Variants in DCAF5 observed in about 807,000 individuals in gnomAD.
DCAF5 encodes DDB1- and CUL4-associated factor 5.
Under a neutral mutation model 80.7 loss-of-function variants are expected in DCAF5, and 9 were observed. That is an observed-to-expected ratio of 0.11 (90% CI 0.07 to 0.19). The LOEUF is 0.19. Ranked by LOEUF, DCAF5 falls within the 10% of genes least tolerant of loss-of-function variation. The pLI is 1.00. For missense variants in DCAF5, 842 were observed against 1,205.7 expected, an observed-to-expected ratio of 0.70 and a Z score of 4.47; for synonymous variants, 433 against 461.9, an observed-to-expected ratio of 0.94 and a Z score of 0.80.
At chr14:69,119,751 G>A (rs1268984351) in intron 2 of DCAF5, among the ~76,000 whole-genome samples, 1 of 150,906 alleles carries the variant, frequency 6.6e-6, no homozygotes, top group African/African-American at 2.4e-5. Context: ...ACAAAACTGT[G>A]GCCATCAAGA....
rs879449258 is a variant in DCAF5, at chr14:69,104,858, T to TA, written c.665+11507dup. Among the ~76,000 whole-genome samples, 383 of 142,072 alleles carry TA rather than the reference T, an allele frequency of 2.7e-3. 4 individuals carry two copies. Among genetic ancestry groups the TA allele is most frequent in the Non-Finnish European group, 1.6e-3 (102 of 64,648 alleles). The allele number at this position is 142,072 out of a possible 152,430, so 93.2% of individuals were successfully genotyped here. A position where few individuals can be genotyped will look rare whatever the true frequency, so the allele number is the denominator to read the frequency against. On this transcript the variant is annotated intron_variant, in intron 5 of 8. Coordinates refer to ENST00000341516, the MANE Select transcript of DCAF5 (RefSeq NM_003861.3). Reference sequence around the variant, plus strand: ...GGCAACGAGAGCAAAACTCTGTCTTTAAAAAAAAAAAAAGTGAGAGACAGG... The same window carrying TA: ...GGCAACGAGAGCAAAACTCTGTCTTTAAAAAAAAAAAAAAGTGAGAGACAGG...
rs2037914919 is a variant in DCAF5 at position 69,055,214 on chromosome 14, G to A, written c.1472C>T (p.Thr491Ile). The A allele has an allele frequency of 1.2e-6, 2 of 1,614,118 alleles. No individual in the cohort carries two copies. Among genetic ancestry groups the A allele is most frequent in the Non-Finnish European group, 1.7e-6 (2 of 1,180,054 alleles). ...FHLGPLRVTT[T>I]NTVASTPPTP... Reference sequence around the variant, plus strand: ...TGGTGGAGTTGAGGCTACTGTGTTTGTGGTGGTGACCCGCAGGGGCCCCAG... The same window carrying A: ...TGGTGGAGTTGAGGCTACTGTGTTTATGGTGGTGACCCGCAGGGGCCCCAG... The change falls in exon 9 of 9, where the codon ACA becomes ATA. Residue 491 changes from threonine to isoleucine, a missense_variant. Coordinates refer to ENST00000341516, the MANE Select transcript of DCAF5 (RefSeq NM_003861.3). This position sits in a 1 kb window ranked among gnomAD's most constrained non-coding sequence, Gnocchi z 5.6.
At chr14:69,131,538 T>C (rs1045116929) in intron 1 of DCAF5, among the ~76,000 whole-genome samples, 2 of 152,218 alleles carry the variant, frequency 1.3e-5, no homozygotes, top group Non-Finnish European at 2.9e-5. Context: ...CACTTACATA[T>C]CTCATTTTAT....
intron 6 of DCAF5, chr14:69,090,931 T>C: frequency 1.7e-6 from 1 of 601,574 alleles, no homozygotes; most frequent in South Asian, 2.0e-5. Context: ...AGTCTTTCCT[T>C]AGATTTGTCT....
intron 1 of DCAF5, among the ~76,000 whole-genome samples, chr14:69,140,321 AC>A (rs2041328415): frequency 6.6e-6 from 1 of 152,122 alleles, no homozygotes; most frequent in South Asian, 2.1e-4. Flanking sequence ...ACAGCCATAT[AC>A]CTGAAAAACT....
In DCAF5 at chr14:69,054,362, A is replaced by G. The variant is rs200970711; in HGVS notation, c.2324T>C (p.Phe775Ser). The G allele has an allele frequency of 1.5e-5, 25 of 1,614,134 alleles. No homozygotes were observed. Among genetic ancestry groups the G allele is most frequent in the Non-Finnish European group, 2.1e-5 (25 of 1,180,026 alleles). Reference sequence around the variant, plus strand: ...CTTTCCATTGAGCTTCTTGGTTTCAAAAGGGTGCTCTACAGAGCCGCTATT... The same window carrying G: ...CTTTCCATTGAGCTTCTTGGTTTCAGAAGGGTGCTCTACAGAGCCGCTATT... ...TGNSGSVEHP[F>S]ETKKLNGKAL... Residue 775 changes from phenylalanine (F) to serine (S), a missense_variant, in exon 9 of 9, where the codon TTT becomes TCT. Coordinates refer to ENST00000341516, the MANE Select transcript of DCAF5 (RefSeq NM_003861.3).
At chr14:69,149,008 C>T (rs541851537) in intron 1 of DCAF5, among the ~76,000 whole-genome samples, 1 of 152,188 alleles carries the variant, frequency 6.6e-6, no homozygotes, top group Non-Finnish European at 1.5e-5. Flanking sequence ...ATTAACAATA[C>T]TGTAATAACA....
intron 5 of DCAF5, among the ~76,000 whole-genome samples, chr14:69,095,052 G>T (rs1466423091): frequency 3.3e-5 from 5 of 152,214 alleles, no homozygotes; most frequent in Non-Finnish European, 2.9e-5. Context: ...ATGGTCTCAT[G>T]TCTGTTCGCA....
In DCAF5 at chr14:69,055,547, G is replaced by C. The variant is rs770682014; in HGVS notation, c.1139C>G (p.Ser380Cys). 1 of 1,613,234 alleles carries C rather than the reference G, an allele frequency of 6.2e-7. No homozygotes were observed. Among genetic ancestry groups the C allele is most frequent in the Non-Finnish European group, 8.5e-7 (1 of 1,179,182 alleles). The change falls in exon 9 of 9, where the codon TCC (serine) becomes TGC (cysteine). Residue 380 changes from serine to cysteine, a missense_variant. By Grantham distance (112) the Ser-to-Cys change is moderately radical. This residue lies in a region of DCAF5 where 65 missense variants were observed against 191.3 expected (regional missense o/e 0.34). Transcript: ENST00000341516. The surrounding 1 kb of genome is among the most constrained non-coding windows in gnomAD (Gnocchi z 5.6). ...CTCTTCATGGGTATAGAGGCAGCGG[G>C]AATCGTCCTCAATCCGACCGTCGAG... is the stretch of plus-strand genomic sequence containing the variant. ...GDLDGRIEDD[S>C]RCLYTHEEYI...
Position 69,133,658 on chromosome 14 carries a change from T to C in DCAF5, c.215-11298A>G, listed in dbSNP as rs144765488. ...GGATAACATCTACAGGCATTACTTC[T>C]GCTGACACCCTGTTTTTACCTAGTA... is the stretch of plus-strand genomic sequence containing the variant. On this transcript the variant is annotated intron_variant, in intron 1 of 8. Transcript: ENST00000341516. 5.8e-3 allele frequency among the ~76,000 whole-genome samples: 888 copies of C among 152,330 alleles called. 19 individuals carry two copies. Among genetic ancestry groups the C allele is most frequent in the Non-Finnish European group, 4.1e-3 (278 of 68,026 alleles).
chr14:69,147,290 CAGTA>C (rs2041568474), intron 1 of DCAF5, among the ~76,000 whole-genome samples: 1 of 152,124 alleles, frequency 6.6e-6, no homozygotes, highest in Non-Finnish European at 1.5e-5. Flanking sequence ...GTGCCATGTG[CAGTA>C]TATGTTAGAT....
At chr14:69,115,013 T>A (rs530094339) in intron 5 of DCAF5, among the ~76,000 whole-genome samples, 9 of 152,118 alleles carry the variant, frequency 5.9e-5, no homozygotes, top group Non-Finnish European at 1.0e-4. Flanking sequence ...GTAGGAGAGA[T>A]AGTAGGTTGA....
chr14:69,124,040 C>T (rs2040804906), intron 1 of DCAF5, among the ~76,000 whole-genome samples: 1 of 152,132 alleles, frequency 6.6e-6, no homozygotes, highest in African/African-American at 2.4e-5. Context: ...GATTTGTCTA[C>T]TCTAGGAACC....
At chr14:69,142,495 G>A (rs1272639898) in intron 1 of DCAF5, among the ~76,000 whole-genome samples, 4 of 152,286 alleles carry the variant, frequency 2.6e-5, no homozygotes, top group South Asian at 2.1e-4. Flanking sequence ...GCAGAGTGAC[G>A]TTGTGGTGAC....
intron 2 of DCAF5, among the ~76,000 whole-genome samples, chr14:69,119,745 A>C (rs985050394): frequency 2.0e-5 from 3 of 151,860 alleles, no homozygotes; most frequent in African/African-American, 7.2e-5. Context: ...CACAAAACAA[A>C]ACTGTGGCCA....
Position 69,113,197 on chromosome 14 carries a change from G to A in DCAF5, c.665+3169C>T, listed in dbSNP as rs114474675. Among the ~76,000 whole-genome samples, 1,106 of 152,216 alleles carry A rather than the reference G, an allele frequency of 7.3e-3. 10 individuals carry two copies. Among genetic ancestry groups the A allele is most frequent in the African/African-American group, 0.026 (1,062 of 41,514 alleles). ...CTAATACATAGGTTAAGCCAGGAAGGAGAAGGTGTTCAGGGTGAGACCTTC... is the reference window on the plus strand; with the variant it reads ...CTAATACATAGGTTAAGCCAGGAAGAAGAAGGTGTTCAGGGTGAGACCTTC... On this transcript the variant is annotated intron_variant, in intron 5 of 8. Transcript: ENST00000341516.
chr14:69,136,752 G>A (rs1221826230), intron 1 of DCAF5, among the ~76,000 whole-genome samples: 1 of 152,134 alleles, frequency 6.6e-6, no homozygotes, highest in African/African-American at 2.4e-5. Context: ...GTAGAGGCCA[G>A]GGATGTTCCT....
chr14:69,086,620 T>TAA (rs34555932), intron 6 of DCAF5, among the ~76,000 whole-genome samples: 10 of 134,230 alleles, frequency 7.4e-5, no homozygotes, highest in East Asian at 2.0e-4. Flanking sequence ...ATGGAGTTAT[T>TAA]AAAAAAAAAA....
At chr14:69,079,866 G>A (rs1313892098) in intron 6 of DCAF5, among the ~76,000 whole-genome samples, 1 of 152,092 alleles carries the variant, frequency 6.6e-6, no homozygotes, top group Admixed American at 6.6e-5. Flanking sequence ...GTGTCCAGTG[G>A]TGACAAATAT....
Sources: allele counts gnomAD v4.1 joint callset (sites outside exome capture counted in the v4.1 genomes callset), GRCh38; gene constraint gnomAD v4.1.1; regional missense constraint gnomAD v4.1.1; non-coding constraint Gnocchi (gnomAD v3.1); transcripts MANE v1.5; gene names NCBI Gene and HGNC (gene_info 2026-07-23, HGNC 2026-07-21).